The following ERN2 variants were observed in gnomAD, a reference collection of about 807,000 sequenced individuals.
ERN2 encodes endoplasmic reticulum to nucleus signaling 2.
ERN2 carries 111 observed loss-of-function variants against 107.9 expected under a neutral mutation model. The observed-to-expected ratio is 1.03, with a 90% CI of 0.88 to 1.20. ERN2 has a LOEUF of 1.20. ERN2 is among the 50% of genes most tolerant of loss of function. The probability of loss-of-function intolerance (pLI) is 0.00; values close to 1 mark genes in which losing one functional copy is unlikely to be tolerated. For synonymous variants in ERN2, 524 were observed against 501.7 expected, an observed-to-expected ratio of 1.04 and a Z score of -0.59; for missense variants, 1,225 against 1,197.9, an observed-to-expected ratio of 1.02 and a Z score of -0.33.
At chr16:23,700,446 C>CTA in intron 13 of ERN2, 93 bp downstream of exon 13, 1 of 1,327,914 alleles carries the variant, frequency 7.5e-7, no homozygotes, top group Non-Finnish European at 1.0e-6. Flanking sequence ...AACCACCCCA[C>CTA]TATAGTGGCT....
intron 1 of ERN2, chr16:23,712,056 A>T (rs779842603): frequency 2.2e-6 from 1 of 453,818 alleles, no homozygotes; most frequent in South Asian, 1.6e-5. Flanking sequence ...GAGGCCTAAC[A>T]TCCGGGTGGC....
Position 23,706,354 on chromosome 16 carries a change from G to T in ERN2, c.565C>A (p.Pro189Thr). The change falls in exon 7 of 22, where the codon CCC becomes ACC. Residue 189 changes from proline to threonine, a missense_variant. Physicochemically the swap from Pro to Thr is conservative, Grantham distance 38. Transcript: ENST00000256797. ...NTTYRRYSAP[P>T]MDGSPGKYMS... ...CATTTCCCAGGTGAGCCATCCATGG[G>T]GGGCGCTGAGTAGCGGCGGTAGGTG... is the stretch of plus-strand genomic sequence containing the variant. The T allele has an allele frequency of 6.4e-7, 1 of 1,553,586 alleles. No homozygotes were observed.
At position 23,692,108 on chromosome 16, in the gene ERN2, A is replaced by T; in HGVS notation, c.2249-18T>A. On this transcript the variant is annotated intron_variant, in intron 18 of 21. Transcript: ENST00000256797. The stretch of plus-strand genomic sequence containing the variant: ...CACCTTGTCTGGAGGATGGAAGAGG[A>T]GGAGGAGAGTCTGCTTCAGGCCTGC... The T allele has an allele frequency of 6.2e-7, 1 of 1,613,750 alleles. No individual in the cohort carries two copies. Among genetic ancestry groups the T allele is most frequent in the South Asian group, 1.1e-5 (1 of 91,088 alleles).
intron 3 of ERN2, 88 bp from the exon 4 acceptor site, chr16:23,710,332 C>G (rs986533751): frequency 1.6e-6 from 2 of 1,278,388 alleles, no homozygotes; most frequent in African/African-American, 2.9e-5. Flanking sequence ...TTCTCAGCTA[C>G]TAGGAGCCTG....
intron 12 of ERN2, 123 bp downstream of exon 12, chr16:23,700,836 C>A: frequency 6.8e-7 from 1 of 1,461,556 alleles, no homozygotes; most frequent in Admixed American, 2.1e-5. Context: ...GCCTGGGGAG[C>A]TGCTGGGAGG....
intron 1 of ERN2, chr16:23,711,964 T>TACTTACATC (rs1960561813): frequency 2.5e-6 from 1 of 405,886 alleles, no homozygotes; most frequent in African/African-American, 2.1e-5. Context: ...GAGCCACCCG[T>TACTTACATC]ACTTACATCT....
In ERN2 at chr16:23,691,417, A is replaced by G. The variant is rs752959809; in HGVS notation, c.2385T>C (p.Ser795=). 12 of 1,599,174 alleles carry G rather than the reference A, an allele frequency of 7.5e-6. No homozygotes were observed. In the Admixed American group the frequency reaches 8.3e-5, roughly 11 times the overall value. The part of the protein sequence containing the change: ...AKQLQFFQDV[S]DWLEKESEQE... ...GCTCGGACTCCTTCTCCAGCCAGTC[A>G]CTGACGTCCTGGGGCCCAGAGAGCT... The change falls in exon 20 of 22, where the codon AGT becomes AGC. Residue 795 remains serine, a synonymous_variant. Coordinates refer to ENST00000256797, the MANE Select transcript of ERN2 (RefSeq NM_033266.4).
intron 4 of ERN2, 30 bp from the exon 5 acceptor site, chr16:23,707,109 T>C (rs752727248): frequency 6.5e-7 from 1 of 1,529,600 alleles, no homozygotes; most frequent in South Asian, 1.1e-5. Flanking sequence ...CAGGAAGGAG[T>C]AAGAGCAGCA....
In ERN2 at chr16:23,704,881, A is replaced by G. The variant is rs1346667069; in HGVS notation, c.854+2T>C. 1 of 1,606,792 alleles carries G rather than the reference A, an allele frequency of 6.2e-7. No homozygotes were observed. The stretch of plus-strand genomic sequence containing the variant: ...CCCTGGGCCCCAGGCACGAACACCT[A>G]CAGCAGCTGGGTGTCCAAGGTAGAG... On this transcript the variant is annotated splice_donor_variant, in intron 8 of 21. Coordinates refer to ENST00000256797, the MANE Select transcript of ERN2 (RefSeq NM_033266.4). LOFTEE classifies it high-confidence loss of function.
At chr16:23,694,425 T>C (rs1023085410) in intron 17 of ERN2, among the ~76,000 whole-genome samples, 1 of 152,202 alleles carries the variant, frequency 6.6e-6, no homozygotes, top group Admixed American at 6.5e-5. Flanking sequence ...TTGGGTGTTG[T>C]CCTGTCCTGT....
Position 23,694,130 on chromosome 16 carries a change from G to A in ERN2, c.2100+598C>T, listed in dbSNP as rs3743971. 2.8e-4 allele frequency among the ~76,000 whole-genome samples: 42 copies of A among 152,126 alleles called. No homozygotes were observed. The East Asian group carries it at 8.1e-3, about 29-fold the overall frequency. ...CCCACCTCAGCCTCCCAAGTAGCTG[G>A]GACCACAGATGCACACACCCACACC... On this transcript the variant is annotated intron_variant, in intron 17 of 21. Coordinates refer to ENST00000256797, the MANE Select transcript of ERN2 (RefSeq NM_033266.4).
rs34241847 is a variant in ERN2 at position 23,710,047 on chromosome 16, C to A, written c.306+125G>T. ...CCTCAGACAGCCTTCTCACAATGTG[C>A]TGAGTCCTGACTTATATCCTCTGCA... On this transcript the variant is annotated intron_variant, in intron 4 of 21. Transcript: ENST00000256797. 417 of 683,838 alleles carry A rather than the reference C, an allele frequency of 6.1e-4. 6 individuals are homozygous for A. The East Asian group carries it at 0.011, about 18-fold the overall frequency. 42.4% of individuals were successfully genotyped at this position (683,838 alleles called of 1,614,324 possible).
intron 17 of ERN2, among the ~76,000 whole-genome samples, chr16:23,694,023 A>G (rs566007943): frequency 1.3e-5 from 2 of 152,254 alleles, no homozygotes; most frequent in South Asian, 4.1e-4. Context: ...TGAGAGAAAG[A>G]GTCTCACTCT....
At chr16:23,711,765 T>C (rs971008156) in intron 1 of ERN2, among the ~76,000 whole-genome samples, 1 of 152,324 alleles carries the variant, frequency 6.6e-6, no homozygotes, top group East Asian at 1.9e-4. Flanking sequence ...AGATAATAAG[T>C]GGCAAAACTA....
chr16:23,709,388 C>A, intron 4 of ERN2: 1 of 289,718 alleles, frequency 3.5e-6, no homozygotes, highest in Non-Finnish European at 6.9e-6. Flanking sequence ...CAAAAAATGG[C>A]CACAGATTGC....
chr16:23,708,507 C>T (rs573533974), intron 4 of ERN2, among the ~76,000 whole-genome samples: 1 of 152,038 alleles, frequency 6.6e-6, no homozygotes, highest in East Asian at 1.9e-4. Flanking sequence ...CAGGCACGTG[C>T]CACCACACCT....
chr16:23,708,354 T>C (rs1960408094), intron 4 of ERN2, among the ~76,000 whole-genome samples: 1 of 139,398 alleles, frequency 7.2e-6, no homozygotes, highest in Non-Finnish European at 1.6e-5. Context: ...ATTCTTTTTT[T>C]TTTTTTTTTT....
chr16:23,702,133 C>CT lies in ERN2; in HGVS notation c.1203+18dup. 6.2e-7 allele frequency: 1 copy of CT among 1,606,164 alleles called. No individual in the cohort carries two copies. The highest frequency in any genetic ancestry group is 8.5e-7 in the Non-Finnish European group (1 of 1,177,348). ...GCTGGGGCCTCCCTACCCCCACTCT[C>CT]TCCCCTCCCAGCACTGACCTCCAAG... On this transcript the variant is annotated intron_variant, in intron 11 of 21. Transcript: ENST00000256797.
At chr16:23,702,591 C>G (rs200319018) in intron 9 of ERN2, 33 bp downstream of exon 9, 44 of 1,614,114 alleles carry the variant, frequency 2.7e-5, no homozygotes, top group Non-Finnish European at 3.6e-5. Context: ...CCCGTTCATC[C>G]TCTTTCCAGC....
Sources: allele counts gnomAD v4.1 joint callset (sites outside exome capture counted in the v4.1 genomes callset), GRCh38; gene constraint gnomAD v4.1.1; transcripts MANE v1.5; gene names NCBI Gene and HGNC (gene_info 2026-07-23, HGNC 2026-07-21).